RLIG1: variants seen among roughly 807,000 people sequenced by gnomAD.
RLIG1 encodes the protein RNA ligase 1.
chr12:88,040,134 T>A, the RLIG1 span: 2 of 1,489,466 alleles, frequency 1.3e-6, no homozygotes, highest in Middle Eastern at 1.7e-4. Context: ...GTTTTCTCTC[T>A]CTCTTTTTTT....
the RLIG1 span, among the ~76,000 whole-genome samples, chr12:88,040,576 A>G: frequency 6.6e-6 from 1 of 152,170 alleles, no homozygotes; most frequent in Non-Finnish European, 1.5e-5. Context: ...AGGTTTAGCA[A>G]ACTTAAATAA....
At chr12:88,044,367 C>A in the RLIG1 span, 1 of 152,094 alleles carries the variant, frequency 6.6e-6, no homozygotes. Flanking sequence ...AGTGGCTATA[C>A]CTTTAGATTA....
chr12:88,049,344 A>G, the RLIG1 span: 1 of 1,581,274 alleles, frequency 6.3e-7, no homozygotes, highest in Non-Finnish European at 8.6e-7. Flanking sequence ...ATTATACTTA[A>G]GATCTTCAAT....
At chr12:88,046,933 T>A in the RLIG1 span, 3 of 1,612,294 alleles carry the variant, frequency 1.9e-6, no homozygotes, top group East Asian at 2.2e-5. Context: ...GAGGGTAAAA[T>A]TGAAGGAATA....
the RLIG1 span, among the ~76,000 whole-genome samples, chr12:88,038,101 G>GA: frequency 2.6e-5 from 4 of 151,950 alleles, no homozygotes; most frequent in Admixed American, 6.6e-5. Context: ...GGAAAAACAT[G>GA]AAAAAAACAA....
chr12:88,046,294 T>C, the RLIG1 span, among the ~76,000 whole-genome samples: 1 of 152,044 alleles, frequency 6.6e-6, no homozygotes, highest in Admixed American at 6.6e-5. Context: ...AAATCCTATA[T>C]GGAGATCAAA....
chr12:88,045,983 T>C, the RLIG1 span, among the ~76,000 whole-genome samples: 4 of 152,290 alleles, frequency 2.6e-5, no homozygotes, highest in East Asian at 7.7e-4. Flanking sequence ...ATTTTTATCC[T>C]CATTCTTTCC....
the RLIG1 span, chr12:88,042,245 G>A: frequency 6.6e-6 from 1 of 152,144 alleles, no homozygotes; most frequent in African/African-American, 2.4e-5. Context: ...TAGGTAGGCA[G>A]CTGATGCTCA....
chr12:88,045,755 A>C, the RLIG1 span: 15 of 1,612,886 alleles, frequency 9.3e-6, no homozygotes, highest in Non-Finnish European at 1.3e-5. Flanking sequence ...ACTCATAGGA[A>C]CAAATATCAA....
At chr12:88,045,156 C>G in the RLIG1 span, 4 of 158,760 alleles carry the variant, frequency 2.5e-5, no homozygotes, top group African/African-American at 9.7e-5. Context: ...ATAAACGTGG[C>G]ATCAGTAAAT....
At chr12:88,037,359 C>G in the RLIG1 span, among the ~76,000 whole-genome samples, 38 of 150,818 alleles carry the variant, frequency 2.5e-4, 1 homozygote, top group Admixed American at 1.2e-3. Context: ...TAGTCTAAAG[C>G]CTTTTATGAC....
At chr12:88,042,928 T>G in the RLIG1 span, 2 of 1,509,846 alleles carry the variant, frequency 1.3e-6, no homozygotes, top group Non-Finnish European at 1.8e-6. Flanking sequence ...AAGGTTAGTT[T>G]TTTTTTAACT....
At chr12:88,042,822 T>C in the RLIG1 span, 7 of 1,481,000 alleles carry the variant, frequency 4.7e-6, no homozygotes, top group South Asian at 1.4e-5. Flanking sequence ...ATTACTTTTT[T>C]AGATCAGCCA....
At chr12:88,043,976 A>G in the RLIG1 span, 3 of 428,910 alleles carry the variant, frequency 7.0e-6, no homozygotes, top group Non-Finnish European at 1.2e-5. Context: ...AAGCGTCAAA[A>G]GAGAATAGCC....
At chr12:88,038,390 A>G in the RLIG1 span, among the ~76,000 whole-genome samples, 1 of 152,214 alleles carries the variant, frequency 6.6e-6, no homozygotes, top group African/African-American at 2.4e-5. Flanking sequence ...TTTTTAGATC[A>G]ACATAGACTC....
At chr12:88,047,262 T>C in the RLIG1 span, among the ~76,000 whole-genome samples, 1 of 152,154 alleles carries the variant, frequency 6.6e-6, no homozygotes, top group Non-Finnish European at 1.5e-5. Context: ...CAGAGACATC[T>C]TGTACTAACT....
chr12:88,049,638 GTCT>G, the RLIG1 span: 1 of 370,708 alleles, frequency 2.7e-6, no homozygotes, highest in Non-Finnish European at 4.8e-6. Flanking sequence ...TTGTGTTCTA[GTCT>G]TTGACTAAAA....
the RLIG1 span, chr12:88,045,406 A>G: frequency 1.7e-6 from 1 of 581,398 alleles, no homozygotes. Flanking sequence ...ATGAACCCTT[A>G]TGATTTTTTA....
At chr12:88,041,512 C>T in the RLIG1 span, among the ~76,000 whole-genome samples, 1 of 152,166 alleles carries the variant, frequency 6.6e-6, no homozygotes, top group Admixed American at 6.5e-5. Context: ...TGCATAGTGG[C>T]TGCAGACATT....
Sources: gnomAD v4.1 joint callset for allele counts (sites outside exome capture counted in the v4.1 genomes callset) on GRCh38, gnomAD v4.1.1 for gene constraint, MANE v1.5 for transcripts, NCBI Gene and HGNC (gene_info 2026-07-23, HGNC 2026-07-21) for gene names.